XPR1: variants seen among roughly 807,000 people sequenced by gnomAD.
The protein encoded by XPR1 is xenotropic and polytropic retrovirus receptor 1, also known as solute carrier family 53 member 1.
In XPR1, 28 loss-of-function variants were observed where a neutral mutation model predicts 87.5. The observed-to-expected ratio is 0.32, with a 90% CI of 0.24 to 0.44. The LOEUF (loss-of-function observed/expected upper bound fraction) is 0.44. Among genes scored for constraint, XPR1 ranks in the 20% least tolerant of loss-of-function variants. XPR1 has a pLI of 1.00. For missense variants in XPR1, 559 were observed against 862.3 expected, an observed-to-expected ratio of 0.65 and a Z score of 4.41; for synonymous variants, 300 against 306.1, an observed-to-expected ratio of 0.98 and a Z score of 0.21.
chr1:180,669,362 A>ATTTTG lies in XPR1; in HGVS notation c.70-12978_70-12974dup, dbSNP rs1213524434. The stretch of plus-strand genomic sequence containing the variant: ...CTGATGGTCTGTCTTTAGTGTATAA[A>ATTTTG]TTTTGTTTTGTTTTGTTTTGTTTTT... On this transcript the variant is annotated intron_variant, in intron 1 of 14. Coordinates refer to ENST00000367590, the MANE Select transcript of XPR1 (RefSeq NM_004736.4). Among the ~76,000 whole-genome samples, 16 of 151,772 alleles carry ATTTTG rather than the reference A, an allele frequency of 1.1e-4. No homozygotes were observed. The East Asian group carries it at 2.3e-3, about 22-fold the overall frequency.
intron 4 of XPR1, 145 bp from the exon 5 acceptor site, chr1:180,805,917 A>G: frequency 1.3e-6 from 1 of 768,928 alleles, no homozygotes; most frequent in South Asian, 2.5e-5. Flanking sequence ...TCCTTTTAGT[A>G]GTAGATGCTT....
At chr1:180,648,396 C>G (rs1655188702) in intron 1 of XPR1, among the ~76,000 whole-genome samples, 1 of 152,110 alleles carries the variant, frequency 6.6e-6, no homozygotes, top group Admixed American at 6.6e-5. Context: ...GGTTCACTGC[C>G]CATGTGCATC....
intron 11 of XPR1, among the ~76,000 whole-genome samples, chr1:180,837,495 A>G (rs1273806897): frequency 1.3e-5 from 2 of 152,116 alleles, no homozygotes; most frequent in African/African-American, 4.8e-5. Flanking sequence ...TTGAGAGACT[A>G]TATTTTAGGA....
At chr1:180,720,532 GAT>G (rs1219814489) in intron 2 of XPR1, among the ~76,000 whole-genome samples, 2 of 152,166 alleles carry the variant, frequency 1.3e-5, no homozygotes, top group African/African-American at 4.8e-5. Flanking sequence ...ATGAATTAGA[GAT>G]ATGGTTTTAT....
intron 2 of XPR1, among the ~76,000 whole-genome samples, chr1:180,779,377 T>C (rs1648850693): frequency 6.6e-6 from 1 of 152,206 alleles, no homozygotes; most frequent in Non-Finnish European, 1.5e-5. Flanking sequence ...ATAGAGAGCC[T>C]GGCATCTAAT....
chr1:180,774,199 G>A (rs1648621427), intron 2 of XPR1, among the ~76,000 whole-genome samples: 1 of 151,960 alleles, frequency 6.6e-6, no homozygotes, highest in South Asian at 2.1e-4. Flanking sequence ...TGGCTTTGAG[G>A]GAATTTGAGC....
At position 180,735,989 on chromosome 1, in the gene XPR1, A is replaced by G. The variant is rs916688233; in HGVS notation, c.122-51764A>G. On this transcript the variant is annotated intron_variant, in intron 2 of 14. Coordinates refer to ENST00000367590, the MANE Select transcript of XPR1 (RefSeq NM_004736.4). ...AGACACCAGGATATGGGATATGGCA[A>G]TGAACAAAATAGATACTAGCCCTGT... Among the ~76,000 whole-genome samples, 8 of 152,312 alleles carry G rather than the reference A, an allele frequency of 5.3e-5. 1 individual carries two copies. In the South Asian group the frequency reaches 6.2e-4, roughly 12 times the overall value.
chr1:180,842,579 A>G (rs1204353517), intron 11 of XPR1, among the ~76,000 whole-genome samples: 2 of 152,196 alleles, frequency 1.3e-5, no homozygotes, highest in East Asian at 3.9e-4. Context: ...TTACATGGCT[A>G]AATTTGAAGG....
intron 2 of XPR1, among the ~76,000 whole-genome samples, chr1:180,718,354 G>A (rs1027548437): frequency 5.9e-5 from 9 of 152,142 alleles, no homozygotes; most frequent in African/African-American, 2.2e-4. Flanking sequence ...CATTTTATGT[G>A]ACCACATAAA....
At chr1:180,796,835 C>CA (rs1294852186) in intron 3 of XPR1, among the ~76,000 whole-genome samples, 5 of 152,290 alleles carry the variant, frequency 3.3e-5, no homozygotes, top group African/African-American at 1.2e-4. Flanking sequence ...AAAAGGAACT[C>CA]AGTATAACAG....
At chr1:180,879,013 C>G (rs1652756016) in intron 13 of XPR1, among the ~76,000 whole-genome samples, 1 of 152,226 alleles carries the variant, frequency 6.6e-6, no homozygotes, top group Admixed American at 6.5e-5. Flanking sequence ...CACCTCTCTA[C>G]TGAATTCTCC....
At chr1:180,698,820 T>G (rs1331018116) in intron 2 of XPR1, among the ~76,000 whole-genome samples, 1 of 152,232 alleles carries the variant, frequency 6.6e-6, no homozygotes, top group Non-Finnish European at 1.5e-5. Flanking sequence ...TCCAGCACTT[T>G]GAATATATCA....
intron 2 of XPR1, among the ~76,000 whole-genome samples, chr1:180,686,293 G>T (rs1318243953): frequency 7.2e-5 from 11 of 152,002 alleles, no homozygotes; most frequent in Non-Finnish European, 1.5e-4. Context: ...GTAGTTGAGC[G>T]GTTTTGAGTG....
At chr1:180,672,514 T>C (rs1656215348) in intron 1 of XPR1, among the ~76,000 whole-genome samples, 1 of 152,194 alleles carries the variant, frequency 6.6e-6, no homozygotes, top group Non-Finnish European at 1.5e-5. Context: ...ATTCTTTGTA[T>C]AGTACACATG....
At chr1:180,751,240 T>C (rs1185181629) in intron 2 of XPR1, among the ~76,000 whole-genome samples, 1 of 151,986 alleles carries the variant, frequency 6.6e-6, no homozygotes, top group African/African-American at 2.4e-5. Flanking sequence ...ATGCCTTATA[T>C]TTTTTATACT....
intron 2 of XPR1, among the ~76,000 whole-genome samples, chr1:180,783,859 A>G (rs1649035561): frequency 6.6e-6 from 1 of 151,918 alleles, no homozygotes; most frequent in Non-Finnish European, 1.5e-5. Context: ...GTTTGAGACC[A>G]GCCTGACCAA....
chr1:180,814,823 GC>G (rs1488220664), intron 7 of XPR1, among the ~76,000 whole-genome samples: 1 of 152,188 alleles, frequency 6.6e-6, no homozygotes, highest in Non-Finnish European at 1.5e-5. Context: ...TAACGTTTAT[GC>G]TAGACATTGG....
At chr1:180,855,460 A>G (rs1651996735) in intron 11 of XPR1, among the ~76,000 whole-genome samples, 1 of 151,994 alleles carries the variant, frequency 6.6e-6, no homozygotes, top group African/African-American at 2.4e-5. Context: ...AGGTCAGGAG[A>G]TCGAGACCAG....
intron 2 of XPR1, among the ~76,000 whole-genome samples, chr1:180,690,899 C>G (rs891136686): frequency 4.0e-5 from 6 of 151,514 alleles, no homozygotes; most frequent in African/African-American, 1.5e-4. Context: ...GTAAATTAAC[C>G]TAGGTTGCTT....
Sources: gnomAD v4.1 joint callset for allele counts (sites outside exome capture counted in the v4.1 genomes callset) on GRCh38, gnomAD v4.1.1 for gene constraint, MANE v1.5 for transcripts, NCBI Gene and HGNC (gene_info 2026-07-23, HGNC 2026-07-21) for gene names.